CD200R1L: variants seen among roughly 807,000 people sequenced by gnomAD.
CD200R1L encodes cell surface glycoprotein CD200 receptor 2.
In CD200R1L, 14 loss-of-function variants were observed where a neutral mutation model predicts 24.8. The observed-to-expected ratio is 0.56, with a 90% CI of 0.37 to 0.88. The LOEUF is 0.88. Ranked by LOEUF, CD200R1L falls within the 40% of genes least tolerant of loss-of-function variation. The pLI, the probability that CD200R1L is intolerant of heterozygous loss-of-function variation, is 0.00. For synonymous variants in CD200R1L, 111 were observed against 109.2 expected (o/e 1.02, Z -0.11); for missense variants, 299 against 297.8 (o/e 1.00, Z -0.03).
chr3:112,839,305 T>C (rs1004741808), intron 2 of CD200R1L, among the ~76,000 whole-genome samples: 3 of 152,194 alleles, frequency 2.0e-5, no homozygotes, highest in Non-Finnish European at 4.4e-5. Context: ...TGATAGTCCA[T>C]GGCATGAAGT....
rs537349205 is a variant in CD200R1L at position 112,816,452 on chromosome 3, T to A, written c.741-477A>T. Among the ~76,000 whole-genome samples the A allele has an allele frequency of 2.0e-5, 3 of 152,336 alleles. No individual in the cohort carries two copies. In the South Asian group the frequency reaches 6.2e-4, roughly 32 times the overall value. The stretch of plus-strand genomic sequence containing the variant: ...CAGATACATTAACACTTCCACCTCA[T>A]TTTGTTGGCCAAAGCAAACTGCATA... On this transcript the variant is annotated intron_variant, in intron 7 of 7. Coordinates refer to ENST00000488794, the MANE Select transcript of CD200R1L (RefSeq NM_001199215.3).
intron 6 of CD200R1L, 32 bp from the exon 7 acceptor site, chr3:112,819,927 T>G (rs756243922): frequency 6.5e-7 from 1 of 1,538,896 alleles, no homozygotes; most frequent in Non-Finnish European, 8.7e-7. Flanking sequence ...AAAAATCATT[T>G]CAAGCATTCT....
intron 3 of CD200R1L, among the ~76,000 whole-genome samples, chr3:112,832,179 G>A (rs1938818351): frequency 6.6e-6 from 1 of 152,152 alleles, no homozygotes; most frequent in African/African-American, 2.4e-5. Context: ...AGGATCTTTT[G>A]AAGGTTATTT....
chr3:112,840,705 A>G (rs1939057170), intron 2 of CD200R1L, among the ~76,000 whole-genome samples: 1 of 152,192 alleles, frequency 6.6e-6, no homozygotes, highest in African/African-American at 2.4e-5. Flanking sequence ...ATATGGAAAA[A>G]TGAGAGTGCC....
At chr3:112,822,947 C>A (rs1418206118) in intron 6 of CD200R1L, among the ~76,000 whole-genome samples, 2 of 152,204 alleles carry the variant, frequency 1.3e-5, no homozygotes, top group Non-Finnish European at 2.9e-5. Context: ...TATTGATTAA[C>A]TTCCTTCTTT....
At chr3:112,832,589 A>C (rs541772999) in intron 3 of CD200R1L, among the ~76,000 whole-genome samples, 1 of 152,284 alleles carries the variant, frequency 6.6e-6, no homozygotes, top group South Asian at 2.1e-4. Context: ...TCTCTTACTT[A>C]ATTTACCAGT....
At chr3:112,833,981 G>A (rs1938871762) in intron 3 of CD200R1L, among the ~76,000 whole-genome samples, 1 of 152,222 alleles carries the variant, frequency 6.6e-6, no homozygotes, top group Admixed American at 6.5e-5. Context: ...TCAGAGACCT[G>A]GAAGAGTCAA....
chr3:112,815,998 G>A, intron 7 of CD200R1L, 23 bp from the exon 8 acceptor site: 1 of 779,750 alleles, frequency 1.3e-6, no homozygotes. Context: ...CACAAGATTT[G>A]TATTTATATC....
At chr3:112,829,422 T>C (rs1487508692) in intron 3 of CD200R1L, 38 bp from the exon 4 acceptor site, 1 of 1,563,128 alleles carries the variant, frequency 6.4e-7, no homozygotes, top group African/African-American at 1.4e-5. Context: ...GAAATCAATT[T>C]TATGTACTCA....
intron 1 of CD200R1L, among the ~76,000 whole-genome samples, chr3:112,846,175 TCAAAGTGTCCTTTGTTC>T (rs749179662): frequency 4.1e-4 from 62 of 152,368 alleles, no homozygotes; most frequent in Non-Finnish European, 6.9e-4. Flanking sequence ...TAATTATTAT[TCAAAGTGTCCTTTGTTC>T]CAAAGTGTCC....
chr3:112,839,310 T>G (rs1939029280), intron 2 of CD200R1L, among the ~76,000 whole-genome samples: 1 of 152,194 alleles, frequency 6.6e-6, no homozygotes, highest in African/African-American at 2.4e-5. Context: ...GTCCATGGCA[T>G]GAAGTAACAA....
intron 2 of CD200R1L, among the ~76,000 whole-genome samples, chr3:112,840,904 A>G (rs1939065428): frequency 6.6e-6 from 1 of 152,162 alleles, no homozygotes; most frequent in South Asian, 2.1e-4. Context: ...TATTATTGTC[A>G]TTATTATTTA....
At position 112,829,538 on chromosome 3, in the gene CD200R1L, T is replaced by C. The variant is rs893238743; in HGVS notation, c.-17-154A>G. ...ATTGTAAAACAGAAATTAGAAGTTA[T>C]GCCATCATTAGAGGAAAAAACATGT... On this transcript the variant is annotated intron_variant, in intron 3 of 7. Coordinates refer to ENST00000488794, the MANE Select transcript of CD200R1L (RefSeq NM_001199215.3). The C allele has an allele frequency of 5.7e-6, 5 of 880,094 alleles. No homozygotes were observed. The African/African-American group carries it at 7.3e-5, about 13-fold the overall frequency. The allele number at this position is 880,094 out of a possible 1,614,324, so 54.5% of individuals were successfully genotyped here.
intron 2 of CD200R1L, chr3:112,841,270 T>G (rs1401581886): frequency 2.2e-6 from 1 of 451,916 alleles, no homozygotes; most frequent in South Asian, 1.6e-5. Context: ...TTTGAAGACA[T>G]GCTTGCTTCC....
At chr3:112,834,040 C>T (rs1012275935) in intron 3 of CD200R1L, among the ~76,000 whole-genome samples, 14 of 152,104 alleles carry the variant, frequency 9.2e-5, no homozygotes, top group African/African-American at 2.9e-4. Context: ...CATGTGGATG[C>T]ATTCAGAAAT....
In CD200R1L at chr3:112,819,765, T is replaced by G; in HGVS notation, c.740+7A>C. On this transcript the variant is annotated splice_region_variant and intron_variant, in intron 7 of 7. Transcript: ENST00000488794. ...GTGTCTTATGCTTTTCAGTCTTCAG[T>G]TCCTACCTGACATGATTTATCCTCT... The G allele has an allele frequency of 6.3e-7, 1 of 1,594,708 alleles. No homozygotes were observed. The highest frequency in any genetic ancestry group is 8.5e-7 in the Non-Finnish European group (1 of 1,174,578).
chr3:112,829,063 G>A (rs749717197), intron 4 of CD200R1L, among the ~76,000 whole-genome samples: 3 of 152,124 alleles, frequency 2.0e-5, no homozygotes, highest in Admixed American at 1.3e-4. Flanking sequence ...GGACTTTAAC[G>A]CAGACCTGAA....
Position 112,823,897 on chromosome 3 carries a change from A to G in CD200R1L, c.616+3096T>C, listed in dbSNP as rs191888650. On this transcript the variant is annotated intron_variant, in intron 6 of 7. Transcript: ENST00000488794. ...AAAGAGGCCCACATGCATGGGGTAC[A>G]GGATGGAGAATAGTGAAGCGCAAGG... 3.7e-3 allele frequency among the ~76,000 whole-genome samples: 547 copies of G among 147,764 alleles called. 3 individuals are homozygous for G. Among genetic ancestry groups the G allele is most frequent in the African/African-American group, 0.013 (526 of 40,168 alleles).
In CD200R1L at chr3:112,815,866, T is replaced by C; in HGVS notation, c.*97A>G. 1 of 754,056 alleles carries C rather than the reference T, an allele frequency of 1.3e-6. No individual in the cohort carries two copies. The highest frequency in any genetic ancestry group is 1.4e-5 in the South Asian group (1 of 69,606). 46.7% of individuals were successfully genotyped at this position (754,056 alleles called of 1,614,324 possible). ...TGAGTGGCTTCTATCCTTAACATCA[T>C]CCATGGCCCAAGTTCACTGCTGGAC... On this transcript the variant is annotated 3_prime_UTR_variant, in exon 8 of 8. Transcript: ENST00000488794.
Sources: gnomAD v4.1 joint callset for allele counts (sites outside exome capture counted in the v4.1 genomes callset) on GRCh38, gnomAD v4.1.1 for gene constraint, MANE v1.5 for transcripts, NCBI Gene and HGNC (gene_info 2026-07-23, HGNC 2026-07-21) for gene names.